SANBR: variants seen among roughly 807,000 people sequenced by gnomAD.
The protein encoded by SANBR is SANT and BTB domain regulator of CSR.
Under a neutral mutation model 101.8 loss-of-function variants are expected in SANBR, and 77 were observed. The observed-to-expected ratio is 0.76, with a 90% CI of 0.63 to 0.91. The LOEUF is 0.91. Ranked by LOEUF, SANBR falls within the 40% of genes least tolerant of loss-of-function variation. The pLI is 0.00. For synonymous variants in SANBR, 279 were observed against 274.7 expected, an observed-to-expected ratio of 1.02 and a Z score of -0.15; for missense variants, 875 against 853.0, an observed-to-expected ratio of 1.03 and a Z score of -0.32.
chr2:61,072,688 C>T (rs1430778477), intron 4 of SANBR, among the ~76,000 whole-genome samples: 1 of 151,852 alleles, frequency 6.6e-6, no homozygotes. Context: ...CTCTAATCTA[C>T]TGGCCTAGTT....
chr2:61,115,946 C>T (rs1181421850), intron 16 of SANBR, 33 bp from the exon 17 acceptor site: 1 of 1,358,456 alleles, frequency 7.4e-7, no homozygotes, highest in African/African-American at 1.5e-5. Flanking sequence ...GTATATGGGG[C>T]CTAAGTTTAT....
intron 12 of SANBR, among the ~76,000 whole-genome samples, chr2:61,100,415 T>C (rs1683227684): frequency 1.3e-5 from 2 of 152,170 alleles, no homozygotes; most frequent in African/African-American, 4.8e-5. Context: ...TGCTTCTGTT[T>C]TGATACCAGA....
intron 8 of SANBR, 38 bp downstream of exon 8, chr2:61,083,352 G>A: frequency 1.7e-6 from 2 of 1,172,316 alleles, no homozygotes; most frequent in Non-Finnish European, 2.5e-6. Context: ...TAATACTCCT[G>A]TTAAAAGAAA....
chr2:61,106,316 A>G (rs1178359172), intron 13 of SANBR, among the ~76,000 whole-genome samples: 1 of 144,890 alleles, frequency 6.9e-6, no homozygotes, highest in Non-Finnish European at 1.5e-5. Context: ...GCTTGTACCC[A>G]GGAGGCAGAG....
At chr2:61,118,342 A>G (rs1624206) in intron 20 of SANBR, among the ~76,000 whole-genome samples, 78,413 of 151,278 alleles carry the variant, frequency 0.52, 20,578 homozygotes, top group Middle Eastern at 0.65. Flanking sequence ...CATGGGTTCA[A>G]GCAATTCTCC....
At chr2:61,088,971 G>A (rs1682598749) in intron 10 of SANBR, 2 of 887,966 alleles carry the variant, frequency 2.3e-6, no homozygotes. Context: ...TTATTTACTG[G>A]GTAAGTGTCA....
downstream of SANBR, among the ~76,000 whole-genome samples, chr2:61,127,249 A>G (rs1684539568): frequency 6.6e-6 from 1 of 152,186 alleles, no homozygotes; most frequent in Non-Finnish European, 1.5e-5. Context: ...TTTGGGTGGT[A>G]TCTCCAATAT....
At chr2:61,106,509 T>A (rs1683575146) in intron 13 of SANBR, 54 bp from the exon 14 acceptor site, 5 of 1,230,822 alleles carry the variant, frequency 4.1e-6, no homozygotes, top group Admixed American at 2.2e-5. Flanking sequence ...ATATTCACAT[T>A]TAAATTTTTA....
chr2:61,110,511 C>A (rs111439076), intron 16 of SANBR, among the ~76,000 whole-genome samples: 1,628 of 152,246 alleles, frequency 0.011, 22 homozygotes, highest in African/African-American at 0.037. Flanking sequence ...GAAACCCGGT[C>A]TCTACAAAAA....
At chr2:61,129,031 C>T (rs1684601349), downstream of SANBR, among the ~76,000 whole-genome samples, 1 of 152,156 alleles carries the variant, frequency 6.6e-6, no homozygotes, top group South Asian at 2.1e-4. Context: ...AACCAAGAAT[C>T]CTACATTCAG....
At chr2:61,072,877 G>A (rs1681557952) in intron 4 of SANBR, among the ~76,000 whole-genome samples, 3 of 77,596 alleles carry the variant, frequency 3.9e-5, no homozygotes. Context: ...TGTTTTTGGA[G>A]ATGGTGGTTG....
At position 61,095,545 on chromosome 2, in the gene SANBR, T is replaced by A. The variant is rs114724364; in HGVS notation, c.1213-2155T>A. On this transcript the variant is annotated intron_variant, in intron 11 of 21. Transcript: ENST00000402291. Reference sequence around the variant, plus strand: ...AAATAGCAACTTCAGTACATCATAATATAAATAGAAAAAAAAGATCAGTGC... The same window carrying A: ...AAATAGCAACTTCAGTACATCATAAAATAAATAGAAAAAAAAGATCAGTGC... 5.0e-3 allele frequency among the ~76,000 whole-genome samples: 765 copies of A among 152,330 alleles called. 4 individuals carry two copies. Among genetic ancestry groups the A allele is most frequent in the African/African-American group, 0.017 (696 of 41,554 alleles).
chr2:61,137,233 A>G (rs1208295745), intron 21 of SANBR, among the ~76,000 whole-genome samples: 1 of 152,088 alleles, frequency 6.6e-6, no homozygotes, highest in Non-Finnish European at 1.5e-5. Flanking sequence ...AGTGATAATC[A>G]TGCCACTGTA....
intron 14 of SANBR, among the ~76,000 whole-genome samples, chr2:61,107,366 G>A (rs993642278): frequency 2.0e-5 from 3 of 152,246 alleles, no homozygotes; most frequent in Non-Finnish European, 4.4e-5. Flanking sequence ...CCTGGAGTCT[G>A]GGTGACAGAG....
intron 21 of SANBR, among the ~76,000 whole-genome samples, chr2:61,136,113 T>C (rs1684831612): frequency 6.6e-6 from 1 of 151,930 alleles, no homozygotes. Context: ...GAGACCAGCC[T>C]GGCCAACATG....
intron 6 of SANBR, among the ~76,000 whole-genome samples, chr2:61,079,661 G>A (rs1046477864): frequency 1.3e-5 from 2 of 152,180 alleles, no homozygotes; most frequent in Middle Eastern, 3.4e-3. Flanking sequence ...AAAATTATTC[G>A]ATTCATCATA....
chr2:61,102,619 C>T (rs1239555992), intron 12 of SANBR, among the ~76,000 whole-genome samples: 1 of 151,622 alleles, frequency 6.6e-6, no homozygotes, highest in Admixed American at 6.6e-5. Flanking sequence ...CTCACTGCAA[C>T]CTCCGCCTCC....
intron 10 of SANBR, 125 bp downstream of exon 10, chr2:61,088,593 G>C (rs1573614691): frequency 1.8e-6 from 1 of 550,340 alleles, no homozygotes; most frequent in Non-Finnish European, 2.9e-6. Context: ...GGTCTTGGCT[G>C]ACTGCAACCT....
rs927668305 is a variant in SANBR, at chr2:61,134,394, G to T, written c.*44+118G>T. On this transcript the variant is annotated intron_variant, in intron 21 of 21. Coordinates refer to the SANBR transcript ENST00000295031. ...CTCACGTTATTCCCCCACCTAGATGGTTGCCTTTTGTTTGCTGCCTATTGA... is the reference window on the plus strand; with the variant it reads ...CTCACGTTATTCCCCCACCTAGATGTTTGCCTTTTGTTTGCTGCCTATTGA... 10 of 986,034 alleles carry T rather than the reference G, an allele frequency of 1.0e-5. No homozygotes were observed. The African/African-American group carries it at 1.5e-4, about 15-fold the overall frequency. 61.1% of individuals were successfully genotyped at this position (986,034 alleles called of 1,614,324 possible).
Sources: gnomAD v4.1 joint callset for allele counts (sites outside exome capture counted in the v4.1 genomes callset) on GRCh38, gnomAD v4.1.1 for gene constraint, MANE v1.5 for transcripts, NCBI Gene and HGNC (gene_info 2026-07-23, HGNC 2026-07-21) for gene names.